EXD3: variants seen among roughly 807,000 people sequenced by gnomAD.
EXD3 encodes exonuclease mut-7 homolog.
A neutral mutation model predicts 98.0 loss-of-function variants in EXD3; 92 were observed. That is an observed-to-expected ratio of 0.94 (90% CI 0.79 to 1.12). EXD3 has a LOEUF of 1.12. Ranked by LOEUF, EXD3 falls within the 50% of genes most tolerant of loss-of-function variation. EXD3 has a pLI of 0.00. For missense variants in EXD3, 1,222 were observed against 1,191.6 expected (o/e 1.03, Z -0.38); for synonymous variants, 569 against 526.0 (o/e 1.08, Z -1.12).
At chr9:137,397,471 C>T (rs1158745418) in intron 1 of EXD3, among the ~76,000 whole-genome samples, 1 of 152,066 alleles carries the variant, frequency 6.6e-6, no homozygotes, top group Admixed American at 6.5e-5. Context: ...AGAGTTTCCA[C>T]AATGGATAAT....
intron 17 of EXD3, among the ~76,000 whole-genome samples, chr9:137,341,720 G>A (rs1316807486): frequency 2.5e-5 from 1 of 39,700 alleles, no homozygotes; most frequent in East Asian, 8.1e-4. Context: ...GAGGAAACGG[G>A]GCTCAGGCAC....
intron 19 of EXD3, among the ~76,000 whole-genome samples, chr9:137,312,629 G>A (rs964868597): frequency 1.8e-4 from 27 of 152,158 alleles, no homozygotes; most frequent in Non-Finnish European, 3.1e-4. Flanking sequence ...GGAAAGAGCT[G>A]CTCAGCCACT....
chr9:137,343,750 G>A (rs1216446296), intron 17 of EXD3, among the ~76,000 whole-genome samples: 5 of 150,184 alleles, frequency 3.3e-5, no homozygotes, highest in African/African-American at 4.9e-5. Context: ...CACCATGCCC[G>A]GCTACTTTTT....
chr9:137,366,038 A>C, intron 7 of EXD3: 1 of 652,580 alleles, frequency 1.5e-6, no homozygotes, highest in Non-Finnish European at 2.8e-6. Flanking sequence ...ATGCACACAC[A>C]TGCACACACA....
rs1242023830 is a variant in EXD3, at chr9:137,371,542, G to A, written c.462+1363C>T. Reference sequence around the variant, plus strand: ...CGGCGTCTCAGCAGCAGGGTCCCACGTGGGCAGGCAGCGGGGTGGTGGCCT... The same window carrying A: ...CGGCGTCTCAGCAGCAGGGTCCCACATGGGCAGGCAGCGGGGTGGTGGCCT... On this transcript the variant is annotated intron_variant, in intron 5 of 21. Transcript: ENST00000340951. This position sits in a 1 kb window ranked among gnomAD's most constrained non-coding sequence, Gnocchi z 8.0. 1.3e-5 allele frequency among the ~76,000 whole-genome samples: 2 copies of A among 152,080 alleles called. No individual in the cohort carries two copies. Among genetic ancestry groups the A allele is most frequent in the Non-Finnish European group, 1.5e-5 (1 of 67,968 alleles).
At chr9:137,382,231 T>C (rs1387793658) in intron 3 of EXD3, among the ~76,000 whole-genome samples, 1 of 132,924 alleles carries the variant, frequency 7.5e-6, no homozygotes, top group East Asian at 2.1e-4. Context: ...CCCATGAAGA[T>C]GAAATGCCTG....
chr9:137,366,094 T>C (rs1249358564), intron 7 of EXD3: 2 of 690,864 alleles, frequency 2.9e-6, no homozygotes, highest in South Asian at 1.5e-5. Context: ...ATGGGCTCCT[T>C]GTCAGGTGCT....
chr9:137,325,112 G>T (rs767495479), intron 17 of EXD3, among the ~76,000 whole-genome samples: 13 of 152,184 alleles, frequency 8.5e-5, no homozygotes, highest in Admixed American at 3.9e-4. Context: ...CCACTGCAAA[G>T]GCCTAGAGAC....
intron 19 of EXD3, among the ~76,000 whole-genome samples, chr9:137,310,183 A>G (rs1408073461): frequency 6.6e-6 from 1 of 152,162 alleles, no homozygotes; most frequent in African/African-American, 2.4e-5. Context: ...GAAAGTGGCG[A>G]GGGGGCTGGA....
At chr9:137,406,554 GC>G (rs1837723639) in intron 1 of EXD3, among the ~76,000 whole-genome samples, 1 of 152,224 alleles carries the variant, frequency 6.6e-6, no homozygotes, top group African/African-American at 2.4e-5. Context: ...GTGCCCCGTG[GC>G]CGTCTGGAGG....
intron 3 of EXD3, among the ~76,000 whole-genome samples, chr9:137,380,980 A>C (rs550020863): frequency 1.3e-5 from 2 of 150,124 alleles, no homozygotes; most frequent in African/African-American, 4.9e-5. Context: ...ACACCTATTA[A>C]TCCCAGTTAC....
rs752335234 is a variant in EXD3 at position 137,395,280 on chromosome 9, G to A, written c.55+23C>T. On this transcript the variant is annotated intron_variant, in intron 2 of 21. Transcript: ENST00000340951. The surrounding 1 kb of genome is among the most constrained non-coding windows in gnomAD (Gnocchi z 6.5). ...TCCCCCCACAGCCCCAGGGAGACTC[G>A]GCACCATCAGGCTCAGACTCACCCA... is the stretch of plus-strand genomic sequence containing the variant. 9.6e-5 allele frequency: 154 copies of A among 1,602,336 alleles called. No individual in the cohort carries two copies. The highest frequency in any genetic ancestry group is 1.3e-4 in the Non-Finnish European group (149 of 1,170,004).
intron 8 of EXD3, 138 bp downstream of exon 8, chr9:137,356,130 G>C: frequency 1.5e-6 from 1 of 660,810 alleles, no homozygotes; most frequent in Non-Finnish European, 2.6e-6. Flanking sequence ...CTGGGCAAGA[G>C]GCAGGGAGGG....
At position 137,373,478 on chromosome 9, in the gene EXD3, G is replaced by T. The variant is rs200745627; in HGVS notation, c.242C>A (p.Ser81Tyr). 603 of 1,609,492 alleles carry T rather than the reference G, an allele frequency of 3.7e-4. 1 individual carries two copies. Among genetic ancestry groups the T allele is most frequent in the Non-Finnish European group, 4.8e-4 (570 of 1,178,924 alleles). ...CTGTAGCCAGCACTGCAGCTGGTGGGAGATCCAGGCCGCCAGGGAGGGGCC... is the reference window on the plus strand; with the variant it reads ...CTGTAGCCAGCACTGCAGCTGGTGGTAGATCCAGGCCGCCAGGGAGGGGCC... ...GEGPSLAAWISHQLQCWLQAQ... is the reference protein window; with the variant it reads ...GEGPSLAAWIYHQLQCWLQAQ... Residue 81 changes from serine to tyrosine, a missense_variant, in exon 4 of 22, where the codon TCC becomes TAC. Physicochemically the swap from Ser to Tyr is moderately radical, Grantham distance 144. Coordinates refer to ENST00000340951, the MANE Select transcript of EXD3 (RefSeq NM_017820.5).
At chr9:137,348,756 TTAGATAGAGAGGGGAGGGGGAGGGGGC>T (rs1834088027) in intron 16 of EXD3, among the ~76,000 whole-genome samples, 1 of 21,352 alleles carries the variant, frequency 4.7e-5, no homozygotes, top group African/African-American at 2.1e-4. Context: ...CGGGGAGGGG[TTAGATAGAGAGGGGAGGGGGAGGGGGC>T]TAGATAGAGA....
Position 137,307,658 on chromosome 9 carries a change from G to C in EXD3, c.2279-12C>G. 1.9e-6 allele frequency: 3 copies of C among 1,608,946 alleles called. No homozygotes were observed. The highest frequency in any genetic ancestry group is 2.5e-6 in the Non-Finnish European group (3 of 1,179,678). On this transcript the variant is annotated splice_polypyrimidine_tract_variant and intron_variant, in intron 20 of 21. Coordinates refer to ENST00000340951, the MANE Select transcript of EXD3 (RefSeq NM_017820.5). ...GGTGGCCTCGTCACCTGTCAGTCAA[G>C]GAAGAGAGCTGGTCCGGGACTGTCC...
In EXD3 at chr9:137,324,254, C is replaced by T; in HGVS notation, c.1999-111G>A. 1.1e-6 allele frequency: 1 copy of T among 920,146 alleles called. No individual in the cohort carries two copies. Among genetic ancestry groups the T allele is most frequent in the East Asian group, 2.7e-5 (1 of 37,674 alleles). 57.0% of individuals were successfully genotyped at this position (920,146 alleles called of 1,614,324 possible). ...CCGGATCGTGGCCCTGCCCCAGGCC[C>T]CTTTTGTCCTCCAGGGTGGCCTCTG... On this transcript the variant is annotated intron_variant, in intron 17 of 21. Coordinates refer to ENST00000340951, the MANE Select transcript of EXD3 (RefSeq NM_017820.5). This position sits in a 1 kb window ranked among gnomAD's most constrained non-coding sequence, Gnocchi z 4.1.
intron 17 of EXD3, among the ~76,000 whole-genome samples, chr9:137,340,779 A>C (rs773069101): frequency 1.3e-5 from 2 of 152,114 alleles, no homozygotes; most frequent in Non-Finnish European, 2.9e-5. Context: ...CTGGCCTCCC[A>C]AAGGGCTGAG....
chr9:137,312,789 C>T (rs1002990722), intron 19 of EXD3, among the ~76,000 whole-genome samples: 1 of 152,152 alleles, frequency 6.6e-6, no homozygotes, highest in Non-Finnish European at 1.5e-5. Context: ...GCCACACCCA[C>T]GAGTAGGCCC....
Sources: gnomAD v4.1 joint callset for allele counts (sites outside exome capture counted in the v4.1 genomes callset) on GRCh38, gnomAD v4.1.1 for gene constraint, Gnocchi (gnomAD v3.1) non-coding constraint, MANE v1.5 for transcripts, NCBI Gene and HGNC (gene_info 2026-07-23, HGNC 2026-07-21) for gene names.